The following ARL5A variants were observed in gnomAD, a reference collection of about 807,000 sequenced individuals.
The protein encoded by ARL5A is ARF like GTPase 5A, also known as ADP-ribosylation factor-like protein 5A.
In ARL5A, 18 loss-of-function variants were observed where a neutral mutation model predicts 25.9. The ratio of observed to expected loss-of-function variants is 0.69; its 90% CI spans 0.48 to 1.03. The LOEUF (loss-of-function observed/expected upper bound fraction) is 1.03. ARL5A is among the 50% of genes least tolerant of loss of function. The pLI is 0.00. For synonymous variants in ARL5A, 61 were observed against 67.5 expected (o/e 0.90, Z 0.47); for missense variants, 170 against 211.9 (o/e 0.80, Z 1.23).
chr2:151,806,631 T>C lies in ARL5A; in HGVS notation c.491+190A>G, dbSNP rs1191113126. 2.0e-5 allele frequency among the ~76,000 whole-genome samples: 3 copies of C among 152,136 alleles called. No homozygotes were observed. In the East Asian group the frequency reaches 5.8e-4, roughly 29 times the overall value. On this transcript the variant is annotated intron_variant, in intron 5 of 5. Transcript: ENST00000295087. ...ATGTTCAGTAGGTTTATGTGTATTA[T>C]GTTTATATTGTTTTACTATTTACAG... is the stretch of plus-strand genomic sequence containing the variant.
chr2:151,803,839 C>T (rs868698099), intron 5 of ARL5A, among the ~76,000 whole-genome samples: 1 of 152,292 alleles, frequency 6.6e-6, no homozygotes, highest in African/African-American at 2.4e-5. Flanking sequence ...CAATACTCTG[C>T]ATCCTTTTTT....
chr2:151,803,113 A>T lies in ARL5A; in HGVS notation c.*163T>A, dbSNP rs2099829649. Reference sequence around the variant, plus strand: ...TAATGAGAAAGCAAACTGGAAGGTGAGACTTCATCTTTGTTTTCAAATAAG... The same window carrying T: ...TAATGAGAAAGCAAACTGGAAGGTGTGACTTCATCTTTGTTTTCAAATAAG... On this transcript the variant is annotated 3_prime_UTR_variant, in exon 6 of 6. Coordinates refer to ENST00000295087, the MANE Select transcript of ARL5A (RefSeq NM_012097.4). 1.5e-5 allele frequency: 8 copies of T among 548,112 alleles called. No individual in the cohort carries two copies. The highest frequency in any genetic ancestry group is 2.6e-5 in the Non-Finnish European group (8 of 307,286). 34.0% of individuals were successfully genotyped at this position (548,112 alleles called of 1,614,324 possible). A position where few individuals can be genotyped will look rare whatever the true frequency, so the allele number is the denominator to read the frequency against.
Position 151,828,237 on chromosome 2 carries a change from G to C in ARL5A, c.-61C>G. ...GGCCGCCTGGCTTCCCCCGGCTCAGGCTGAGGGGGAGGAGAGAGACGCGCT... is the reference window on the plus strand; with the variant it reads ...GGCCGCCTGGCTTCCCCCGGCTCAGCCTGAGGGGGAGGAGAGAGACGCGCT... On this transcript the variant is annotated 5_prime_UTR_variant, in exon 1 of 6. Coordinates refer to ENST00000295087, the MANE Select transcript of ARL5A (RefSeq NM_012097.4). 1 of 1,503,548 alleles carries C rather than the reference G, an allele frequency of 6.7e-7. No individual in the cohort carries two copies. The highest frequency in any genetic ancestry group is 2.4e-5 in the East Asian group (1 of 42,222). The allele number at this position is 1,503,548 out of a possible 1,614,324, so 93.1% of individuals were successfully genotyped here.
At chr2:151,807,348 TATAA>T (rs1360950741) in intron 4 of ARL5A, among the ~76,000 whole-genome samples, 1 of 152,160 alleles carries the variant, frequency 6.6e-6, no homozygotes, top group African/African-American at 2.4e-5. Context: ...ATCACTCCTA[TATAA>T]GTACTCTGCT....
At chr2:151,812,789 C>T (rs2030590) in intron 3 of ARL5A, among the ~76,000 whole-genome samples, 14,399 of 151,928 alleles carry the variant, frequency 0.095, 878 homozygotes, top group African/African-American at 0.17. Context: ...TTTATTACTT[C>T]CAGGTAGATA....
At position 151,800,484 on chromosome 2, in the gene ARL5A, T is replaced by C. The variant is rs1013893300; in HGVS notation, c.*2792A>G. On this transcript the variant is annotated 3_prime_UTR_variant, in exon 6 of 6. Transcript: ENST00000295087. ...TCTAAAGTCACTTTCACTGCCTATATTAAAAATGCCAGCCATCAGTGCTAA... is the reference window on the plus strand; with the variant it reads ...TCTAAAGTCACTTTCACTGCCTATACTAAAAATGCCAGCCATCAGTGCTAA... 5.3e-5 allele frequency: 8 copies of C among 152,216 alleles called. No individual in the cohort carries two copies. Among genetic ancestry groups the C allele is most frequent in the African/African-American group, 1.7e-4 (7 of 41,448 alleles). 9.4% of individuals were successfully genotyped at this position (152,216 alleles called of 1,614,324 possible). A position where few individuals can be genotyped will look rare whatever the true frequency, so the allele number is the denominator to read the frequency against.
intron 1 of ARL5A, 177 bp downstream of exon 1, chr2:151,827,954 C>T: frequency 1.6e-6 from 1 of 624,668 alleles, no homozygotes; most frequent in Admixed American, 3.3e-5. Context: ...AGGAACCATC[C>T]CCAAGCTCGG....
At chr2:151,826,134 C>A (rs1312255762) in intron 1 of ARL5A, among the ~76,000 whole-genome samples, 1 of 152,022 alleles carries the variant, frequency 6.6e-6, no homozygotes, top group Non-Finnish European at 1.5e-5. Context: ...AAAACAAAAA[C>A]AAAAACAAAA....
chr2:151,819,538 T>C (rs186764437), intron 1 of ARL5A, among the ~76,000 whole-genome samples: 246 of 152,304 alleles, frequency 1.6e-3, no homozygotes, highest in African/African-American at 5.1e-3. Context: ...AAAGAATAGA[T>C]TGAATAATAG....
intron 5 of ARL5A, among the ~76,000 whole-genome samples, chr2:151,803,860 A>G (rs914508028): frequency 1.8e-4 from 27 of 152,218 alleles, no homozygotes; most frequent in African/African-American, 6.3e-4. Context: ...CTACTTCTAG[A>G]AATGTATCCC....
In ARL5A at chr2:151,801,063, T is replaced by C. The variant is rs1180660630; in HGVS notation, c.*2213A>G. ...ATTTTCATATATAAATTTATTTTTT[T>C]CCCAACTATAATTTTGGTTTTATGT... On this transcript the variant is annotated 3_prime_UTR_variant, in exon 6 of 6. Coordinates refer to ENST00000295087, the MANE Select transcript of ARL5A (RefSeq NM_012097.4). 6.6e-6 allele frequency: 1 copy of C among 152,632 alleles called. No homozygotes were observed. Among genetic ancestry groups the C allele is most frequent in the Non-Finnish European group, 1.5e-5 (1 of 68,010 alleles). 9.5% of individuals were successfully genotyped at this position (152,632 alleles called of 1,614,324 possible).
At chr2:151,817,179 T>G (rs1323012325) in intron 1 of ARL5A, among the ~76,000 whole-genome samples, 2 of 152,190 alleles carry the variant, frequency 1.3e-5, no homozygotes, top group East Asian at 3.8e-4. Flanking sequence ...AATTCTCCAT[T>G]TAGGGAATTA....
chr2:151,822,433 T>C (rs575524776), intron 1 of ARL5A, among the ~76,000 whole-genome samples: 1 of 152,340 alleles, frequency 6.6e-6, no homozygotes, highest in African/African-American at 2.4e-5. Context: ...ATCTCAATAA[T>C]AGGGTCAGAT....
At chr2:151,826,504 G>A (rs373645761) in intron 1 of ARL5A, among the ~76,000 whole-genome samples, 2 of 152,200 alleles carry the variant, frequency 1.3e-5, no homozygotes, top group Non-Finnish European at 1.5e-5. Flanking sequence ...AAAATAGAAA[G>A]TGGTGATAAC....
In ARL5A at chr2:151,813,609, T is replaced by C. The variant is rs565893292; in HGVS notation, c.255+560A>G. ...ACCATGCTTTATTAACTTGTAATAA[T>C]GAACACTACAAAAACAACGGTCAGT... On this transcript the variant is annotated intron_variant, in intron 3 of 5. Transcript: ENST00000295087. Among the ~76,000 whole-genome samples, 12 of 152,306 alleles carry C rather than the reference T, an allele frequency of 7.9e-5. No individual in the cohort carries two copies. In the South Asian group the frequency reaches 1.2e-3, roughly 16 times the overall value.
At chr2:151,815,075 G>T in intron 2 of ARL5A, 64 bp downstream of exon 2, 1 of 1,233,780 alleles carries the variant, frequency 8.1e-7, no homozygotes, top group South Asian at 1.3e-5. Context: ...TTCATTGATC[G>T]ACTATCACCC....
At chr2:151,812,295 A>G in intron 4 of ARL5A, 62 bp downstream of exon 4, 1 of 1,221,774 alleles carries the variant, frequency 8.2e-7, no homozygotes, top group Admixed American at 2.4e-5. Flanking sequence ...GAGAAACTAG[A>G]AAACAAAGTA....
At chr2:151,822,013 C>G (rs1409810121) in intron 1 of ARL5A, among the ~76,000 whole-genome samples, 1 of 151,938 alleles carries the variant, frequency 6.6e-6, no homozygotes, top group African/African-American at 2.4e-5. Context: ...CCACGCCCAG[C>G]TAATTTTTGT....
intron 1 of ARL5A, among the ~76,000 whole-genome samples, chr2:151,816,599 G>A (rs1410920539): frequency 6.6e-6 from 1 of 152,122 alleles, no homozygotes; most frequent in Non-Finnish European, 1.5e-5. Context: ...TTGTAAGATA[G>A]GGGAAATACC....
Sources: gnomAD v4.1 joint callset for allele counts (sites outside exome capture counted in the v4.1 genomes callset) on GRCh38, gnomAD v4.1.1 for gene constraint, MANE v1.5 for transcripts, NCBI Gene and HGNC (gene_info 2026-07-23, HGNC 2026-07-21) for gene names.